The following ASIP variants were observed in gnomAD, a reference collection of about 807,000 sequenced individuals.
The protein encoded by ASIP is agouti signaling protein.
Under a neutral mutation model 10.3 loss-of-function variants are expected in ASIP, and 11 were observed. The observed-to-expected ratio is 1.07, with a 90% CI of 0.68 to 1.78. The LOEUF (loss-of-function observed/expected upper bound fraction) is 1.78. Among genes scored for constraint, ASIP ranks in the 40% most tolerant of loss-of-function variants. ASIP has a pLI of 0.00. For missense variants in ASIP, 180 were observed against 169.2 expected (o/e 1.06, Z -0.35); for synonymous variants, 70 against 70.8 (o/e 0.99, Z 0.06).
chr20:34,210,563 A>G (rs995928573), intron 1 of ASIP, among the ~76,000 whole-genome samples: 3 of 152,210 alleles, frequency 2.0e-5, no homozygotes, highest in Non-Finnish European at 4.4e-5. Flanking sequence ...TTTGGCAGGC[A>G]TGGGATCCAG....
At chr20:34,257,910 A>G (rs2035600620) in intron 1 of ASIP, among the ~76,000 whole-genome samples, 1 of 152,192 alleles carries the variant, frequency 6.6e-6, no homozygotes, top group Non-Finnish European at 1.5e-5. Flanking sequence ...TTGGGAAGCC[A>G]AGGCAGGCAG....
intron 1 of ASIP, among the ~76,000 whole-genome samples, chr20:34,196,089 C>G (rs1312504811): frequency 6.6e-6 from 1 of 151,528 alleles, no homozygotes; most frequent in Non-Finnish European, 1.5e-5. Context: ...CATTACAGTC[C>G]GGCACGGAGA....
intron 1 of ASIP, 25 bp downstream of exon 1, chr20:34,241,514 C>T: frequency 1.0e-6 from 1 of 985,442 alleles, no homozygotes; most frequent in Non-Finnish European, 1.2e-6. Flanking sequence ...CAACTTTAAT[C>T]TGCTTTCAGG....
chr20:34,266,911 T>C (rs1202378605), intron 3 of ASIP, among the ~76,000 whole-genome samples: 2 of 152,216 alleles, frequency 1.3e-5, no homozygotes, highest in South Asian at 2.1e-4. Context: ...GCACACCTTA[T>C]TCCTGTCTTA....
At chr20:34,214,306 C>T (rs1204657712) in intron 1 of ASIP, 23 of 1,351,586 alleles carry the variant, frequency 1.7e-5, no homozygotes, top group African/African-American at 4.3e-5. Flanking sequence ...ACACATGGAA[C>T]GTGCTGAGGT....
chr20:34,253,412 C>T (rs931472178), intron 1 of ASIP, among the ~76,000 whole-genome samples: 3 of 150,502 alleles, frequency 2.0e-5, no homozygotes, highest in Non-Finnish European at 4.4e-5. Context: ...AGCCTGATCT[C>T]TCTTTCTTTT....
chr20:34,202,439 T>G (rs568127969), intron 1 of ASIP, among the ~76,000 whole-genome samples: 1 of 152,368 alleles, frequency 6.6e-6, no homozygotes, highest in African/African-American at 2.4e-5. Flanking sequence ...TTTATTTACT[T>G]TTAAATAATT....
chr20:34,210,768 G>A (rs563173292), intron 1 of ASIP, among the ~76,000 whole-genome samples: 1 of 152,354 alleles, frequency 6.6e-6, no homozygotes, highest in Non-Finnish European at 1.5e-5. Flanking sequence ...TGTTCCAGAT[G>A]TTAGATGAAA....
the ASIP span, among the ~76,000 whole-genome samples, chr20:34,187,167 C>T: frequency 1.3e-5 from 2 of 152,136 alleles, no homozygotes; most frequent in Admixed American, 1.3e-4. Context: ...GAGAACCAAT[C>T]AATCAGTCAC....
At chr20:34,262,446 A>G (rs1470782923) in intron 2 of ASIP, among the ~76,000 whole-genome samples, 1 of 152,180 alleles carries the variant, frequency 6.6e-6, no homozygotes, top group Non-Finnish European at 1.5e-5. Flanking sequence ...ACAAGACAGG[A>G]GTCCATTTTC....
At chr20:34,232,677 A>G (rs1484061569) in intron 1 of ASIP, among the ~76,000 whole-genome samples, 3 of 152,222 alleles carry the variant, frequency 2.0e-5, no homozygotes, top group African/African-American at 7.2e-5. Flanking sequence ...GGAGAAGCAC[A>G]TGATTTTGTA....
chr20:34,237,610 A>T (rs1438345319), upstream of ASIP, among the ~76,000 whole-genome samples: 1 of 151,840 alleles, frequency 6.6e-6, no homozygotes, highest in Admixed American at 6.6e-5. Context: ...AGATCATTTT[A>T]CTCCTTCCTT....
At chr20:34,227,556 A>C (rs1053363084) in intron 1 of ASIP, among the ~76,000 whole-genome samples, 2 of 150,678 alleles carry the variant, frequency 1.3e-5, no homozygotes, top group South Asian at 4.2e-4. Context: ...ACTTGAACCC[A>C]GGAGGTGGAG....
At chr20:34,192,099 C>T (rs1174479777), upstream of ASIP, among the ~76,000 whole-genome samples, 2 of 151,872 alleles carry the variant, frequency 1.3e-5, no homozygotes, top group African/African-American at 4.8e-5. Context: ...TGCAATGGCC[C>T]GATCTCGGCT....
intron 1 of ASIP, among the ~76,000 whole-genome samples, chr20:34,230,731 C>CA (rs2035116111): frequency 2.4e-5 from 1 of 41,152 alleles, no homozygotes; most frequent in African/African-American, 2.0e-4. Flanking sequence ...CTGACCCCCC[C>CA]ACCTCCCTCC....
At chr20:34,234,037 AGAGTCCCTT>A (rs2035145772) in intron 1 of ASIP, among the ~76,000 whole-genome samples, 1 of 152,236 alleles carries the variant, frequency 6.6e-6, no homozygotes, top group East Asian at 1.9e-4. Context: ...TCAGAAACAC[AGAGTCCCTT>A]ACTTTGTGCC....
At chr20:34,238,235 G>GT (rs2035236659), upstream of ASIP, among the ~76,000 whole-genome samples, 1 of 151,966 alleles carries the variant, frequency 6.6e-6, no homozygotes, top group African/African-American at 2.4e-5. Context: ...AATATTCTGG[G>GT]TTTTTTTCTC....
chr20:34,191,119 G>A (rs2034822260), upstream of ASIP, among the ~76,000 whole-genome samples: 1 of 152,164 alleles, frequency 6.6e-6, no homozygotes, highest in Non-Finnish European at 1.5e-5. Flanking sequence ...AGGAAAGTGT[G>A]GAGCCTGGTG....
intron 1 of ASIP, among the ~76,000 whole-genome samples, chr20:34,205,576 G>A (rs1568745954): frequency 1.4e-5 from 2 of 145,472 alleles, no homozygotes; most frequent in South Asian, 4.3e-4. Context: ...GACCCAAACG[G>A]GTTGCTGCTA....
Sources: gnomAD v4.1 joint callset for allele counts (sites outside exome capture counted in the v4.1 genomes callset) on GRCh38, gnomAD v4.1.1 for gene constraint, MANE v1.5 for transcripts, NCBI Gene and HGNC (gene_info 2026-07-23, HGNC 2026-07-21) for gene names.